The following PPARA variants were observed in gnomAD, a reference collection of about 807,000 sequenced individuals.
PPARA encodes peroxisome proliferator activated receptor alpha, also known as peroxisome proliferator-activated receptor alpha.
In PPARA, 22 loss-of-function variants were observed where a neutral mutation model predicts 42.2. The observed-to-expected ratio is 0.52, with a 90% confidence interval of 0.37 to 0.74. The LOEUF (loss-of-function observed/expected upper bound fraction) is 0.74, where lower values mean the gene tolerates loss of function less well. Among genes scored for constraint, PPARA ranks in the 30% least tolerant of loss-of-function variants. The pLI is 0.00. For missense variants in PPARA, 465 were observed against 608.2 expected (o/e 0.76, Z 2.48); for synonymous variants, 242 against 239.3 (o/e 1.01, Z -0.10).
intron 4 of PPARA, 126 bp downstream of exon 4, chr22:46,198,717 A>G (rs1401366735): frequency 1.9e-4 from 182 of 978,770 alleles, no homozygotes; most frequent in Middle Eastern, 6.2e-4. Flanking sequence ...CTGGAGTGCA[A>G]TGGCTCGATC....
At chr22:46,172,007 C>T (rs1218411950) in intron 2 of PPARA, among the ~76,000 whole-genome samples, 1 of 152,110 alleles carries the variant, frequency 6.6e-6, no homozygotes, top group Non-Finnish European at 1.5e-5. Context: ...GGCTCCACCG[C>T]GTTGGGTGTA....
intron 7 of PPARA, 138 bp downstream of exon 7, chr22:46,220,152 C>T: frequency 9.7e-7 from 1 of 1,027,162 alleles, no homozygotes; most frequent in Non-Finnish European, 1.5e-6. Flanking sequence ...AAGATGGAAA[C>T]AGTTCATTCT....
rs41526048 is a variant in PPARA at position 46,215,368 on chromosome 22, C to T, written c.369+35C>T. On this transcript the variant is annotated intron_variant, in intron 5 of 8. Transcript: ENST00000407236. ...AGCTGGAACAGGGCCTGGTGGCCGC[C>T]ACCATCAACTACTTATGGTCACTTT... is the stretch of plus-strand genomic sequence containing the variant. 1,872 of 1,613,260 alleles carry T rather than the reference C, an allele frequency of 1.2e-3. 22 individuals are homozygous for T. The African/African-American group carries it at 0.021, about 18-fold the overall frequency.
intron 6 of PPARA, among the ~76,000 whole-genome samples, chr22:46,218,822 A>G: frequency 1.7e-5 from 2 of 116,268 alleles, no homozygotes; most frequent in Non-Finnish European, 3.6e-5. Flanking sequence ...CGACAGAGGG[A>G]GATTCCGTCT....
In PPARA at chr22:46,190,284, T is replaced by C. The variant is rs376648506; in HGVS notation, c.-42-8058T>C. Among the ~76,000 whole-genome samples the C allele has an allele frequency of 3.7e-4, 57 of 152,274 alleles. No individual in the cohort carries two copies. Among genetic ancestry groups the C allele is most frequent in the African/African-American group, 1.3e-3 (56 of 41,552 alleles). On this transcript the variant is annotated intron_variant, in intron 3 of 8. Coordinates refer to ENST00000407236, the MANE Select transcript of PPARA (RefSeq NM_005036.6). This position sits in a 1 kb window ranked among gnomAD's most constrained non-coding sequence, Gnocchi z 5.6. ...TTTACCCTCAAAGTGTTCCATGAGG[T>C]TGGATCAGACATCATTTAGCAAAGA...
Position 46,224,296 on chromosome 22 carries a change from C to T in PPARA, c.711+4282C>T, listed in dbSNP as rs1935232661. Among the ~76,000 whole-genome samples the T allele has an allele frequency of 6.6e-6, 1 of 152,190 alleles. No homozygotes were observed. Among genetic ancestry groups the T allele is most frequent in the Admixed American group, 6.5e-5 (1 of 15,280 alleles). ...CTTCAGGTGCAGGATACCCTCTCTG[C>T]TTAGTCTGGGAAAAGGCCCCGTTGG... On this transcript the variant is annotated intron_variant, in intron 7 of 8. Transcript: ENST00000407236. The surrounding 1 kb of genome is among the most constrained non-coding windows in gnomAD (Gnocchi z 5.7).
chr22:46,185,910 AAAAAAAATATATATATATATATAT>A (rs1323382314), intron 3 of PPARA, among the ~76,000 whole-genome samples: 1 of 66,370 alleles, frequency 1.5e-5, no homozygotes, highest in African/African-American at 7.1e-5. Flanking sequence ...AAAAAAAAAA[AAAAAAAATATATATATATATATAT>A]ATATATATAT....
rs1374666532 is a variant in PPARA at position 46,204,231 on chromosome 22, T to C, written c.208+5640T>C. Among the ~76,000 whole-genome samples the C allele has an allele frequency of 6.6e-6, 1 of 152,260 alleles. No homozygotes were observed. Among genetic ancestry groups the C allele is most frequent in the Non-Finnish European group, 1.5e-5 (1 of 68,046 alleles). On this transcript the variant is annotated intron_variant, in intron 4 of 8. Coordinates refer to ENST00000407236, the MANE Select transcript of PPARA (RefSeq NM_005036.6). The surrounding 1 kb of genome is among the most constrained non-coding windows in gnomAD (Gnocchi z 5.2). ...ATCATGTGGACATAGCACAGTTTGC[T>C]GATTCACGCACCTGTTGATGAGCAT...
At chr22:46,218,200 A>G in intron 5 of PPARA, 63 bp from the exon 6 acceptor site, 1 of 1,596,704 alleles carries the variant, frequency 6.3e-7, no homozygotes, top group South Asian at 1.1e-5. Context: ...AAGGTGAGTA[A>G]AGCAAGTGCG....
rs1435826531 is a variant in PPARA at position 46,180,743 on chromosome 22, T to C, written c.-43+3907T>C. 6.6e-6 allele frequency among the ~76,000 whole-genome samples: 1 copy of C among 152,206 alleles called. No homozygotes were observed. Among genetic ancestry groups the C allele is most frequent in the African/African-American group, 2.4e-5 (1 of 41,454 alleles). ...CCACTGAGCCAGTGTACACCTTAAA[T>C]AAATCCTCCTGAACCCCATCAATCG... On this transcript the variant is annotated intron_variant, in intron 3 of 8. Coordinates refer to ENST00000407236, the MANE Select transcript of PPARA (RefSeq NM_005036.6). The surrounding 1 kb of genome is among the most constrained non-coding windows in gnomAD (Gnocchi z 4.2).
chr22:46,223,277 C>G (rs1935139744), intron 7 of PPARA, among the ~76,000 whole-genome samples: 1 of 152,178 alleles, frequency 6.6e-6, no homozygotes, highest in Non-Finnish European at 1.5e-5. Context: ...CTCTAGGAAC[C>G]CCATCACCCT....
At chr22:46,207,636 T>G (rs10427969) in intron 4 of PPARA, among the ~76,000 whole-genome samples, 10 of 145,196 alleles carry the variant, frequency 6.9e-5, no homozygotes, top group Non-Finnish European at 1.4e-4. Context: ...TTGTTTTTAA[T>G]TAATTAATTT....
chr22:46,150,845 T>G lies in PPARA; in HGVS notation c.-210+193T>G, dbSNP rs2147072066. The G allele has an allele frequency of 6.6e-6, 1 of 151,530 alleles. No individual in the cohort carries two copies. The highest frequency in any genetic ancestry group is 6.6e-5 in the Admixed American group (1 of 15,248). The allele number at this position is 151,530 out of a possible 1,614,324, so 9.4% of individuals were successfully genotyped here. ...GGCCCGGGGTGCGCGGCTGGGGACC[T>G]GAGGGCGAGGAGCGAGGACACACAC... On this transcript the variant is annotated intron_variant, in intron 1 of 8. Transcript: ENST00000407236. The surrounding 1 kb of genome is among the most constrained non-coding windows in gnomAD (Gnocchi z 7.5).
chr22:46,230,641 T>A lies in PPARA; in HGVS notation c.712-1151T>A, dbSNP rs1275085046. 1.3e-5 allele frequency among the ~76,000 whole-genome samples: 2 copies of A among 152,168 alleles called. No homozygotes were observed. The highest frequency in any genetic ancestry group is 2.9e-5 in the Non-Finnish European group (2 of 68,026). The stretch of plus-strand genomic sequence containing the variant: ...TCAGGAAATGGCAGGCCACTGGGTT[T>A]ACATGCAGATGGCATGGGAGCACAC... On this transcript the variant is annotated intron_variant, in intron 7 of 8. Coordinates refer to ENST00000407236, the MANE Select transcript of PPARA (RefSeq NM_005036.6). This position sits in a 1 kb window ranked among gnomAD's most constrained non-coding sequence, Gnocchi z 5.0.
At chr22:46,205,541 TATATATATATA>T (rs1569226126) in intron 4 of PPARA, among the ~76,000 whole-genome samples, 18 of 36,090 alleles carry the variant, frequency 5.0e-4, no homozygotes, top group African/African-American at 1.9e-3. Flanking sequence ...TATATATATA[TATATATATATA>T]TATTTTTTTT....
intron 7 of PPARA, among the ~76,000 whole-genome samples, chr22:46,228,169 C>T (rs574972660): frequency 2.0e-5 from 3 of 152,348 alleles, no homozygotes; most frequent in African/African-American, 7.2e-5. Flanking sequence ...AACGATGCCC[C>T]CAGCCTAGAA....
At position 46,163,098 on chromosome 22, in the gene PPARA, G is replaced by A. The variant is rs568236438; in HGVS notation, c.-127+11128G>A. ...GAGCAGCCTGCAGAGGGGAAAGAGCGGGGACAGAGGGTCACGGAGGTCGCA... is the reference window on the plus strand; with the variant it reads ...GAGCAGCCTGCAGAGGGGAAAGAGCAGGGACAGAGGGTCACGGAGGTCGCA... On this transcript the variant is annotated intron_variant, in intron 2 of 8. Transcript: ENST00000407236. This position sits in a 1 kb window ranked among gnomAD's most constrained non-coding sequence, Gnocchi z 4.9. Among the ~76,000 whole-genome samples, 3 of 152,312 alleles carry A rather than the reference G, an allele frequency of 2.0e-5. No homozygotes were observed. The highest frequency in any genetic ancestry group is 1.9e-4 in the East Asian group (1 of 5,182).
At chr22:46,153,272 C>G (rs902589788) in intron 2 of PPARA, among the ~76,000 whole-genome samples, 1 of 142,076 alleles carries the variant, frequency 7.0e-6, no homozygotes, top group African/African-American at 2.6e-5. Flanking sequence ...CGGATTCGAA[C>G]AATACTCCTG....
In PPARA at chr22:46,218,798, C is replaced by T. The variant is rs534853693; in HGVS notation, c.508+397C>T. Among the ~76,000 whole-genome samples the T allele has an allele frequency of 2.0e-5, 3 of 147,024 alleles. No individual in the cohort carries two copies. In the South Asian group the frequency reaches 6.4e-4, roughly 32 times the overall value. On this transcript the variant is annotated intron_variant, in intron 6 of 8. Coordinates refer to ENST00000407236, the MANE Select transcript of PPARA (RefSeq NM_005036.6). ...GCAGTGAGCTGAGATTGCGCCACTG[C>T]ACTCCAGCCTGGGCGACAGAGGGAG...
Sources: allele counts gnomAD v4.1 joint callset (sites outside exome capture counted in the v4.1 genomes callset), GRCh38; gene constraint gnomAD v4.1.1; non-coding constraint Gnocchi (gnomAD v3.1); transcripts MANE v1.5; gene names NCBI Gene and HGNC (gene_info 2026-07-23, HGNC 2026-07-21).